Variants in ABCC6 observed in about 807,000 individuals in gnomAD.
ABCC6 encodes the protein ATP binding cassette subfamily C member 6.
A neutral mutation model predicts 169.5 loss-of-function variants in ABCC6; 126 were observed. The observed-to-expected ratio is 0.74, with a 90% CI of 0.64 to 0.86. The LOEUF is 0.86. ABCC6 is among the 40% of genes least tolerant of loss of function. The pLI, the probability that ABCC6 is intolerant of heterozygous loss-of-function variation, is 0.00. For synonymous variants in ABCC6, 752 were observed against 814.7 expected, an observed-to-expected ratio of 0.92 and a Z score of 1.31; for missense variants, 1,733 against 1,927.2, an observed-to-expected ratio of 0.90 and a Z score of 1.89.
At chr16:16,163,265 A>C (rs1460735211) in intron 23 of ABCC6, 73 bp from the exon 24 acceptor site, 8 of 1,426,956 alleles carry the variant, frequency 5.6e-6, no homozygotes, top group Non-Finnish European at 7.7e-6. Flanking sequence ...AAGCACAGAG[A>C]GCCCCAAGTA....
intron 2 of ABCC6, 95 bp downstream of exon 2, chr16:16,221,554 A>G: frequency 6.5e-7 from 1 of 1,550,270 alleles, no homozygotes; most frequent in Non-Finnish European, 8.7e-7. Flanking sequence ...ACACCCCGAT[A>G]GGAGGAGTCT....
At chr16:16,189,050 T>TG in intron 12 of ABCC6, 76 bp from the exon 13 acceptor site, 1 of 1,549,460 alleles carries the variant, frequency 6.5e-7, no homozygotes, top group South Asian at 1.1e-5. Flanking sequence ...CAAGCTGTGG[T>TG]GCCTGCACGG....
At position 16,197,560 on chromosome 16, in the gene ABCC6, CAGGG is replaced by C. The variant is rs1280663845; in HGVS notation, c.1338+457_1338+460del. Among the ~76,000 whole-genome samples the C allele has an allele frequency of 1.7e-4, 24 of 141,596 alleles. 2 individuals are homozygous for C. In the South Asian group the frequency reaches 1.8e-3, roughly 11 times the overall value. 92.9% of individuals were successfully genotyped at this position (141,596 alleles called of 152,430 possible). ...AGGGAAGAAGTGGGAGGGAAGATGA[CAGGG>C]AGCAGAAAGGAAGAAGAAGGTGGAG... On this transcript the variant is annotated intron_variant, in intron 10 of 30. Transcript: ENST00000205557.
At chr16:16,152,057 T>G (rs1218277154) in intron 29 of ABCC6, among the ~76,000 whole-genome samples, 1 of 151,600 alleles carries the variant, frequency 6.6e-6, no homozygotes, top group Non-Finnish European at 1.5e-5. Flanking sequence ...CCGGGCGTGG[T>G]GGCGGGCGCT....
chr16:16,217,144 T>C (rs4781760), intron 4 of ABCC6, among the ~76,000 whole-genome samples: 5,167 of 151,854 alleles, frequency 0.034, 99 homozygotes, highest in African/African-American at 0.045. Context: ...TTTTAAATCA[T>C]GATTCCTCTA....
chr16:16,204,410 C>T (rs534418110), intron 7 of ABCC6, among the ~76,000 whole-genome samples: 324 of 152,234 alleles, frequency 2.1e-3, no homozygotes, highest in Non-Finnish European at 3.9e-3. Context: ...AACAGCACCC[C>T]GTCCCCAACA....
At chr16:16,155,355 CCCAT>C in intron 27 of ABCC6, 2 of 442,140 alleles carry the variant, frequency 4.5e-6, no homozygotes, top group Non-Finnish European at 8.1e-6. Flanking sequence ...TCTACCCCAT[CCCAT>C]CCATCTGTCT....
At chr16:16,181,366 AAAG>A (rs2047467245) in intron 17 of ABCC6, among the ~76,000 whole-genome samples, 2 of 35,828 alleles carry the variant, frequency 5.6e-5, no homozygotes, top group Non-Finnish European at 7.9e-5. Context: ...AAAAAAAAAA[AAAG>A]AGAAAAAGCA....
chr16:16,177,332 C>A, intron 19 of ABCC6, 120 bp downstream of exon 19: 1 of 1,163,126 alleles, frequency 8.6e-7, no homozygotes, highest in Non-Finnish European at 1.3e-6. Flanking sequence ...GCTTCCAGGC[C>A]TAGGCCTGCA....
intron 10 of ABCC6, among the ~76,000 whole-genome samples, chr16:16,193,373 C>T (rs2047928673): frequency 2.0e-5 from 3 of 152,170 alleles, no homozygotes; most frequent in African/African-American, 4.8e-5. Context: ...CTCTGGGTTG[C>T]TCTCTCTATG....
intron 14 of ABCC6, among the ~76,000 whole-genome samples, chr16:16,186,630 C>T (rs1273630037): frequency 6.7e-6 from 1 of 149,886 alleles, no homozygotes; most frequent in Non-Finnish European, 1.5e-5. Context: ...CTCTGTCTCC[C>T]ATCACCCGCT....
At chr16:16,197,920 A>G in intron 10 of ABCC6, 101 bp downstream of exon 10, 18 of 1,350,476 alleles carry the variant, frequency 1.3e-5, no homozygotes, top group Non-Finnish European at 1.7e-5. Context: ...AGCCTCTTGA[A>G]TGCTAAGTCA....
chr16:16,186,355 A>G (rs2047653675), intron 14 of ABCC6, among the ~76,000 whole-genome samples: 1 of 152,060 alleles, frequency 6.6e-6, no homozygotes, highest in African/African-American at 2.4e-5. Flanking sequence ...TTAGAGCAGG[A>G]GTCCTCAACC....
rs529139814 is a variant in ABCC6 at position 16,195,422 on chromosome 16, C to T, written c.1339-2500G>A. On this transcript the variant is annotated intron_variant, in intron 10 of 30. Coordinates refer to ENST00000205557, the MANE Select transcript of ABCC6 (RefSeq NM_001171.6). ...CCACCTCCCGGGTTCAAGTGATTCT[C>T]CTGCCTCAGCCTCTCTAGTAGCTGG... Among the ~76,000 whole-genome samples the T allele has an allele frequency of 9.9e-5, 15 of 150,788 alleles. No homozygotes were observed. In the South Asian group the frequency reaches 3.2e-3, roughly 32 times the overall value.
chr16:16,163,258 C>G (rs921121598), intron 23 of ABCC6, 66 bp from the exon 24 acceptor site: 16 of 1,473,838 alleles, frequency 1.1e-5, no homozygotes, highest in Non-Finnish European at 1.4e-5. Flanking sequence ...TTTCCAGAAG[C>G]ACAGAGAGCC....
intron 10 of ABCC6, among the ~76,000 whole-genome samples, chr16:16,197,401 T>A (rs975224086): frequency 6.7e-6 from 1 of 148,834 alleles, no homozygotes; most frequent in African/African-American, 2.5e-5. Context: ...TGAGACAGGA[T>A]TGGAGGAGGA....
At chr16:16,193,788 A>G (rs2047944642) in intron 10 of ABCC6, among the ~76,000 whole-genome samples, 1 of 152,128 alleles carries the variant, frequency 6.6e-6, no homozygotes, top group Non-Finnish European at 1.5e-5. Context: ...AGATCCAAGA[A>G]CCCTCTTTTG....
At chr16:16,179,132 A>C (rs1490742731) in intron 17 of ABCC6, among the ~76,000 whole-genome samples, 167 bp from the exon 18 acceptor site, 1 of 152,172 alleles carries the variant, frequency 6.6e-6, no homozygotes, top group East Asian at 1.9e-4. Flanking sequence ...CTCTCAAGCC[A>C]ACAATGCCTC....
At chr16:16,165,972 A>T (rs1413768832) in intron 22 of ABCC6, 39 bp from the exon 23 acceptor site, 1 of 1,599,840 alleles carries the variant, frequency 6.3e-7, no homozygotes, top group Non-Finnish European at 8.5e-7. Context: ...AGGGCTGGAG[A>T]CCCTCAGGAG....
Sources: gnomAD v4.1 joint callset for allele counts (sites outside exome capture counted in the v4.1 genomes callset) on GRCh38, gnomAD v4.1.1 for gene constraint, MANE v1.5 for transcripts, NCBI Gene and HGNC (gene_info 2026-07-23, HGNC 2026-07-21) for gene names.